DYM: variants seen among roughly 807,000 people sequenced by gnomAD.
The protein encoded by DYM is dyggve-Melchior-Clausen syndrome protein.
DYM carries 78 observed loss-of-function variants against 93.1 expected under a neutral mutation model. That is an observed-to-expected ratio of 0.84 (90% confidence interval 0.70 to 1.01). DYM has a LOEUF of 1.01. Among genes scored for constraint, DYM ranks in the 50% least tolerant of loss-of-function variants. The pLI is 0.00. For missense variants in DYM, 789 were observed against 845.0 expected (o/e 0.93, Z 0.82); for synonymous variants, 321 against 319.7 (o/e 1.00, Z -0.04).
At chr18:49,251,404 G>C (rs1340966282) in intron 13 of DYM, among the ~76,000 whole-genome samples, 1 of 152,180 alleles carries the variant, frequency 6.6e-6, no homozygotes, top group Non-Finnish European at 1.5e-5. Context: ...GATAGAATTT[G>C]AGAGAAAGGG....
At position 49,039,699 on chromosome 18, in the gene DYM, G is replaced by A. The variant is rs1051858653; in HGVS notation, c.*4356C>T. On this transcript the variant is annotated 3_prime_UTR_variant, in exon 18 of 18. Transcript: ENST00000675505. ...TAATCTGCTCTTAAACCTGTTCACTGTTCTTCTCATTACAGTACTTTAGTT... is the reference window on the plus strand; with the variant it reads ...TAATCTGCTCTTAAACCTGTTCACTATTCTTCTCATTACAGTACTTTAGTT... 2.0e-5 allele frequency among the ~76,000 whole-genome samples: 3 copies of A among 150,260 alleles called. No homozygotes were observed. The highest frequency in any genetic ancestry group is 7.4e-5 in the African/African-American group (3 of 40,686).
chr18:49,117,081 TTAAAA>T (rs1254573246), intron 16 of DYM, among the ~76,000 whole-genome samples: 1 of 152,222 alleles, frequency 6.6e-6, no homozygotes, highest in African/African-American at 2.4e-5. Flanking sequence ...AGTTTGATTC[TTAAAA>T]TAAACATCCT....
In DYM at chr18:49,118,778, G is replaced by C. The variant is rs1184458712; in HGVS notation, c.1877C>G (p.Pro626Arg). The change falls in exon 16 of 18, where the codon CCT becomes CGT. Residue 626 changes from proline (P) to arginine (R), a missense_variant. Pro to Arg is a moderately radical substitution (Grantham distance 103). Coordinates refer to ENST00000675505, the MANE Select transcript of DYM (RefSeq NM_001353214.3). ...RDLFEQFRTH[P>R]SFQDIMQNID... Reference sequence around the variant, plus strand: ...ATTTTGCATTATATCCTGAAATGAAGGATGAGTTCGAAATTGTTCAAAGAG... The same window carrying C: ...ATTTTGCATTATATCCTGAAATGAACGATGAGTTCGAAATTGTTCAAAGAG... 1.2e-6 allele frequency: 2 copies of C among 1,614,074 alleles called. No homozygotes were observed. Among genetic ancestry groups the C allele is most frequent in the East Asian group, 4.5e-5 (2 of 44,858 alleles).
intron 17 of DYM, among the ~76,000 whole-genome samples, chr18:49,051,697 T>C (rs977896881): frequency 1.3e-5 from 2 of 152,214 alleles, no homozygotes; most frequent in African/African-American, 4.8e-5. Context: ...AAAGACAAGC[T>C]TGAAGCTGCT....
chr18:49,112,048 C>T (rs891321133), intron 16 of DYM, among the ~76,000 whole-genome samples: 4 of 152,050 alleles, frequency 2.6e-5, no homozygotes, highest in African/African-American at 9.7e-5. Context: ...TTATCTTTTA[C>T]GTGCAATAAT....
chr18:49,355,824 A>AT (rs1292874079), intron 6 of DYM, among the ~76,000 whole-genome samples: 1 of 152,134 alleles, frequency 6.6e-6, no homozygotes, highest in East Asian at 1.9e-4. Flanking sequence ...ATAAAGACTT[A>AT]TTTTTTCAAA....
chr18:49,415,467 A>G (rs1437961728), intron 2 of DYM, among the ~76,000 whole-genome samples: 2 of 145,458 alleles, frequency 1.4e-5, no homozygotes, highest in Non-Finnish European at 3.0e-5. Flanking sequence ...TTCTGTATTT[A>G]AAGTATTAAA....
Position 49,084,671 on chromosome 18 carries a change from T to C in DYM, c.2025+12731A>G, listed in dbSNP as rs1293395671. Reference sequence around the variant, plus strand: ...ATAATCTAGATGTCCACCAATAGAATGGAGAAACTGTGAACTATTTATGTA... The same window carrying C: ...ATAATCTAGATGTCCACCAATAGAACGGAGAAACTGTGAACTATTTATGTA... On this transcript the variant is annotated intron_variant, in intron 17 of 17. Coordinates refer to ENST00000675505, the MANE Select transcript of DYM (RefSeq NM_001353214.3). Among the ~76,000 whole-genome samples the C allele has an allele frequency of 2.0e-5, 3 of 152,172 alleles. No individual in the cohort carries two copies. In the East Asian group the frequency reaches 5.8e-4, roughly 29 times the overall value.
intron 5 of DYM, among the ~76,000 whole-genome samples, chr18:49,371,014 C>G (rs1458672569): frequency 6.6e-6 from 1 of 152,034 alleles, no homozygotes; most frequent in African/African-American, 2.4e-5. Flanking sequence ...GATAGGTAAC[C>G]CTGAGGATGA....
At position 49,044,178 on chromosome 18, in the gene DYM, A is replaced by C; in HGVS notation, c.2052T>G (p.Tyr684Ter). 6.2e-7 allele frequency: 1 copy of C among 1,614,190 alleles called. No individual in the cohort carries two copies. The change falls in exon 18 of 18, where the codon TAT (tyrosine) becomes TAG (stop). Residue 684 changes from tyrosine (Y) to a stop codon, truncating the protein, a stop_gained. Transcript: ENST00000675505. LOFTEE classifies it high-confidence loss of function. ...ACTCCTCGGGCTGCTCCTCTTCCAC[A>C]TATTTGAATTTCAATTCTGGAAATT... ...LKKFPELKFK[Y>*]VEEEQPEEFF...
intron 2 of DYM, among the ~76,000 whole-genome samples, chr18:49,401,876 A>G (rs1417670793): frequency 1.3e-5 from 2 of 152,014 alleles, no homozygotes; most frequent in Non-Finnish European, 2.9e-5. Flanking sequence ...AAATACAAAA[A>G]TTAGCTGAGT....
At chr18:49,190,591 T>C (rs920233387) in intron 14 of DYM, among the ~76,000 whole-genome samples, 2 of 152,164 alleles carry the variant, frequency 1.3e-5, no homozygotes, top group Non-Finnish European at 2.9e-5. Flanking sequence ...AATGCACATA[T>C]GAAAATAATG....
chr18:49,331,331 G>A (rs1306619617), intron 8 of DYM, among the ~76,000 whole-genome samples: 1 of 152,200 alleles, frequency 6.6e-6, no homozygotes, highest in Non-Finnish European at 1.5e-5. Context: ...GTAAGGTAGG[G>A]AAGAGCTTTC....
At chr18:49,046,309 A>T (rs1025589072) in intron 17 of DYM, among the ~76,000 whole-genome samples, 37 of 151,512 alleles carry the variant, frequency 2.4e-4, no homozygotes, top group African/African-American at 8.3e-4. Context: ...GCGCGCACAC[A>T]CACACACACA....
intron 17 of DYM, among the ~76,000 whole-genome samples, chr18:49,046,107 CCCACAT>C (rs1341543630): frequency 2.1e-5 from 3 of 140,640 alleles, no homozygotes; most frequent in Non-Finnish European, 4.6e-5. Flanking sequence ...CACACCCACA[CCCACAT>C]CCCCAAATAC....
At chr18:49,305,608 ATC>A (rs1162345250) in intron 8 of DYM, among the ~76,000 whole-genome samples, 3 of 152,202 alleles carry the variant, frequency 2.0e-5, no homozygotes, top group African/African-American at 4.8e-5. Flanking sequence ...AGGAATATCA[ATC>A]TCTCTGTTTT....
At chr18:49,438,152 G>A (rs2081022776) in intron 1 of DYM, among the ~76,000 whole-genome samples, 1 of 152,204 alleles carries the variant, frequency 6.6e-6, no homozygotes, top group Non-Finnish European at 1.5e-5. Context: ...GTGCAACAGA[G>A]CAAGACTTTG....
At chr18:49,184,462 C>G (rs1334300856) in intron 14 of DYM, among the ~76,000 whole-genome samples, 4 of 152,174 alleles carry the variant, frequency 2.6e-5, no homozygotes, top group African/African-American at 7.2e-5. Flanking sequence ...TATTCCATCA[C>G]AGAGTCAGAG....
At position 49,286,571 on chromosome 18, in the gene DYM, G is replaced by A. The variant is rs753827775; in HGVS notation, c.809C>T (p.Ala270Val). The A allele has an allele frequency of 1.9e-5, 30 of 1,613,912 alleles. No homozygotes were observed. The highest frequency in any genetic ancestry group is 1.6e-4 in the Middle Eastern group (1 of 6,062). The change falls in exon 9 of 18, where the codon GCG (alanine) becomes GTG (valine). Residue 270 changes from alanine (A) to valine (V), a missense_variant. Ala to Val is a moderately conservative substitution (Grantham distance 64). Coordinates refer to ENST00000675505, the MANE Select transcript of DYM (RefSeq NM_001353214.3). ...GGAAGAAAGCTCTGGAGAGGCAGCC[G>A]CTTTGCTGCCCACACCACCTAGTGT... ...VFTLGGVGSK[A>V]AASPELSSPL...
Sources: allele counts gnomAD v4.1 joint callset (sites outside exome capture counted in the v4.1 genomes callset), GRCh38; gene constraint gnomAD v4.1.1; transcripts MANE v1.5; gene names NCBI Gene and HGNC (gene_info 2026-07-23, HGNC 2026-07-21).